KIF21B: variants seen among roughly 807,000 people sequenced by gnomAD.
KIF21B encodes kinesin-like protein KIF21B.
KIF21B carries 85 observed loss-of-function variants against 192.9 expected under a neutral mutation model. That is an observed-to-expected ratio of 0.44 (90% CI 0.37 to 0.53). The LOEUF (loss-of-function observed/expected upper bound fraction) is 0.53. KIF21B is among the 20% of genes least tolerant of loss of function. The pLI is 0.00. For missense variants in KIF21B, 1,716 were observed against 2,194.8 expected, an observed-to-expected ratio of 0.78 and a Z score of 4.36; for synonymous variants, 832 against 884.6, an observed-to-expected ratio of 0.94 and a Z score of 1.05.
intron 1 of KIF21B, among the ~76,000 whole-genome samples, chr1:201,014,429 G>A (rs764712104): frequency 5.3e-5 from 8 of 152,352 alleles, no homozygotes; most frequent in Non-Finnish European, 1.0e-4. Flanking sequence ...CGGAAGGGGA[G>A]GACAGAGGAG....
chr1:200,985,053 C>CAGA, intron 26 of KIF21B, 81 bp from the exon 27 acceptor site: 1 of 1,010,404 alleles, frequency 9.9e-7, no homozygotes, highest in South Asian at 1.5e-5. Context: ...CTTCCACCTT[C>CAGA]TGCCTTGTGA....
At position 200,969,423 on chromosome 1, in the gene KIF21B, T is replaced by C. The variant is rs1655112226; in HGVS notation, c.*4098A>G. ...TCAGGTTTTATTTATGACAACTTCT[T>C]AGAACACACACATCCAATCTAGGAA... is the stretch of plus-strand genomic sequence containing the variant. On this transcript the variant is annotated 3_prime_UTR_variant, in exon 35 of 35. Transcript: ENST00000461742. 1 of 152,798 alleles carries C rather than the reference T, an allele frequency of 6.5e-6. No homozygotes were observed. The highest frequency in any genetic ancestry group is 6.5e-5 in the Admixed American group (1 of 15,290). The allele number at this position is 152,798 out of a possible 1,614,324, so 9.5% of individuals were successfully genotyped here.
At chr1:200,977,448 G>T (rs577894727) in intron 30 of KIF21B, 72 bp from the exon 31 acceptor site, 1 of 1,538,148 alleles carries the variant, frequency 6.5e-7, no homozygotes, top group Admixed American at 1.8e-5. Flanking sequence ...CCAATAAAAC[G>T]TCACTAAGAC....
At position 200,990,620 on chromosome 1, in the gene KIF21B, T is replaced by C. The variant is rs1225216899; in HGVS notation, c.2791A>G (p.Met931Val). ...RRIIDIVMQRMTIVNLEADME... is the reference protein window; with the variant it reads ...RRIIDIVMQRVTIVNLEADME... ...TCAGCCTCCAGGTTGACAATGGTCA[T>C]TCTCTGCATGACGATGTCAATGATC... The change falls in exon 19 of 35, where the codon ATG (methionine) becomes GTG (valine). Residue 931 changes from methionine to valine, a missense_variant. Coordinates refer to ENST00000461742, the MANE Select transcript of KIF21B (RefSeq NM_001252102.2). This position sits in a 1 kb window ranked among gnomAD's most constrained non-coding sequence, Gnocchi z 5.4. 7 of 1,614,156 alleles carry C rather than the reference T, an allele frequency of 4.3e-6. No homozygotes were observed. Among genetic ancestry groups the C allele is most frequent in the Non-Finnish European group, 5.9e-6 (7 of 1,180,018 alleles).
At chr1:200,996,980 C>G (rs936533621) in intron 14 of KIF21B, among the ~76,000 whole-genome samples, 1 of 152,130 alleles carries the variant, frequency 6.6e-6, no homozygotes, top group African/African-American at 2.4e-5. Flanking sequence ...TCACATCTAC[C>G]TCCCAGCAAG....
intron 2 of KIF21B, 54 bp downstream of exon 2, chr1:201,009,212 G>T: frequency 6.6e-7 from 1 of 1,511,008 alleles, no homozygotes; most frequent in Non-Finnish European, 9.1e-7. Flanking sequence ...CTCTCCATTG[G>T]ATGCAGGGAG....
intron 21 of KIF21B, among the ~76,000 whole-genome samples, chr1:200,989,281 G>C (rs1249601304): frequency 6.6e-6 from 1 of 152,170 alleles, no homozygotes; most frequent in Non-Finnish European, 1.5e-5. Flanking sequence ...CTGGTACTTG[G>C]TTATGGCAGC....
rs1404848299 is a variant in KIF21B, at chr1:200,992,343, A to AGCC, written c.2321_2323dup (p.Arg774dup). 6.2e-7 allele frequency: 1 copy of AGCC among 1,613,286 alleles called. No homozygotes were observed. The highest frequency in any genetic ancestry group is 8.5e-7 in the Non-Finnish European group (1 of 1,180,024). ...CTCCCGGTTCCTCTTGGTCTCCACT[A>AGCC]GCCGCCGCCGCTGTTGCTCCTCACG... On this transcript the variant is annotated inframe_insertion, in exon 16 of 35. Coordinates refer to ENST00000461742, the MANE Select transcript of KIF21B (RefSeq NM_001252102.2).
At position 201,000,239 on chromosome 1, in the gene KIF21B, G is replaced by C; in HGVS notation, c.1685+151C>G. The C allele has an allele frequency of 1.2e-6, 1 of 856,194 alleles. No homozygotes were observed. Among genetic ancestry groups the C allele is most frequent in the Non-Finnish European group, 1.8e-6 (1 of 547,266 alleles). 53.0% of individuals were successfully genotyped at this position (856,194 alleles called of 1,614,324 possible). A position where few individuals can be genotyped will look rare whatever the true frequency, so the allele number is the denominator to read the frequency against. On this transcript the variant is annotated intron_variant, in intron 11 of 34. Transcript: ENST00000461742. The surrounding 1 kb of genome is among the most constrained non-coding windows in gnomAD (Gnocchi z 6.0). ...AAAAGGCTGAGCAAATCTGCGCCAT[G>C]AATTCCCAAGCAATACTGAGGCAGC...
chr1:201,005,782 C>T (rs1327172226), intron 3 of KIF21B, 88 bp from the exon 4 acceptor site: 1 of 1,385,852 alleles, frequency 7.2e-7, no homozygotes, highest in East Asian at 2.3e-5. Flanking sequence ...ATCTGTTTTA[C>T]AGATGTGGAA....
intron 32 of KIF21B, among the ~76,000 whole-genome samples, chr1:200,976,545 T>C (rs1404578495): frequency 1.3e-5 from 2 of 152,256 alleles, no homozygotes; most frequent in Non-Finnish European, 2.9e-5. Flanking sequence ...CATAATTTGA[T>C]TGTTATTCTA....
chr1:201,018,262 T>A (rs1571975739), intron 1 of KIF21B, among the ~76,000 whole-genome samples: 1 of 152,006 alleles, frequency 6.6e-6, no homozygotes, highest in African/African-American at 2.4e-5. Context: ...AGTGCCAAGG[T>A]GGAATTCAGG....
chr1:200,972,369 G>A lies in KIF21B; in HGVS notation c.*1152C>T, dbSNP rs1557991594. 6.6e-6 allele frequency: 1 copy of A among 152,330 alleles called. No homozygotes were observed. Among genetic ancestry groups the A allele is most frequent in the African/African-American group, 2.4e-5 (1 of 41,416 alleles). 9.4% of individuals were successfully genotyped at this position (152,330 alleles called of 1,614,324 possible). ...GGGCTGGGGAGGGGCGGGGGTCAGG[G>A]TGCCGGGCTGTCCTCCCCATCCAAG... On this transcript the variant is annotated 3_prime_UTR_variant, in exon 35 of 35. Coordinates refer to ENST00000461742, the MANE Select transcript of KIF21B (RefSeq NM_001252102.2).
At chr1:201,016,211 C>T (rs966876602) in intron 1 of KIF21B, among the ~76,000 whole-genome samples, 8 of 152,230 alleles carry the variant, frequency 5.3e-5, no homozygotes, top group Non-Finnish European at 1.2e-4. Context: ...AGCTCTGCAC[C>T]AGGGTGGGAA....
At chr1:200,980,835 T>C (rs1231529656) in intron 29 of KIF21B, 125 bp downstream of exon 29, 2 of 1,210,102 alleles carry the variant, frequency 1.7e-6, no homozygotes, top group Non-Finnish European at 2.3e-6. Context: ...AGTAAGCAAA[T>C]AGACCCCATA....
chr1:200,976,831 T>G lies in KIF21B; in HGVS notation c.4388A>C (p.Gln1463Pro), dbSNP rs1314058805. The change falls in exon 32 of 35, where the codon CAG (glutamine) becomes CCG (proline). Residue 1463 changes from glutamine (Q) to proline (P), a missense_variant. Gln to Pro is a moderately conservative substitution (Grantham distance 76). Coordinates refer to ENST00000461742, the MANE Select transcript of KIF21B (RefSeq NM_001252102.2). ...CACGAGGTCATGCTGGCTGGCCGTC[T>G]GGGTGACCGTCAGGCACATCACAGG... ...IGPVMCLTVT[Q>P]TASQHDLVVT... The G allele has an allele frequency of 6.2e-7, 1 of 1,613,806 alleles. No individual in the cohort carries two copies. The highest frequency in any genetic ancestry group is 1.7e-5 in the Admixed American group (1 of 59,998).
chr1:200,977,890 A>G (rs1344482250), intron 30 of KIF21B, among the ~76,000 whole-genome samples: 1 of 151,084 alleles, frequency 6.6e-6, no homozygotes, highest in Non-Finnish European at 1.5e-5. Context: ...ATGCGCCACC[A>G]TCCCAAGCTG....
intron 8 of KIF21B, 96 bp from the exon 9 acceptor site, chr1:201,002,446 C>A: frequency 8.8e-7 from 1 of 1,138,588 alleles, no homozygotes; most frequent in East Asian, 2.4e-5. Flanking sequence ...AGCGCCCTGG[C>A]CTTCCCCTGG....
intron 34 of KIF21B, 62 bp from the exon 35 acceptor site, chr1:200,973,640 C>T: frequency 2.0e-6 from 3 of 1,518,692 alleles, no homozygotes; most frequent in South Asian, 2.5e-5. Flanking sequence ...TGGCTGGCTG[C>T]CCCCAAAAGT....
Sources: allele counts gnomAD v4.1 joint callset (sites outside exome capture counted in the v4.1 genomes callset), GRCh38; gene constraint gnomAD v4.1.1; non-coding constraint Gnocchi (gnomAD v3.1); transcripts MANE v1.5; gene names NCBI Gene and HGNC (gene_info 2026-07-23, HGNC 2026-07-21).